DDAH1: variants seen among roughly 807,000 people sequenced by gnomAD.
DDAH1 encodes the protein N(G),N(G)-dimethylarginine dimethylaminohydrolase 1.
Under a neutral mutation model 28.8 loss-of-function variants are expected in DDAH1, and 19 were observed. The observed-to-expected ratio is 0.66, with a 90% CI of 0.46 to 0.97. The LOEUF (loss-of-function observed/expected upper bound fraction) is 0.97. DDAH1 is among the 50% of genes least tolerant of loss of function. The pLI, the probability that DDAH1 is intolerant of heterozygous loss-of-function variation, is 0.00. For synonymous variants in DDAH1, 153 were observed against 154.4 expected (o/e 0.99, Z 0.07); for missense variants, 326 against 375.9 (o/e 0.87, Z 1.10).
intron 1 of DDAH1, among the ~76,000 whole-genome samples, chr1:85,548,506 A>G (rs1479483177): frequency 6.6e-6 from 1 of 152,172 alleles, no homozygotes; most frequent in Non-Finnish European, 1.5e-5. Context: ...ATGTTTATCC[A>G]TAAAATTTTA....
At chr1:85,388,246 T>C (rs1651375713) in intron 1 of DDAH1, among the ~76,000 whole-genome samples, 1 of 152,248 alleles carries the variant, frequency 6.6e-6, no homozygotes. Context: ...GTTGATATGA[T>C]GATTAAATGA....
rs533139120 is a variant in DDAH1 at position 85,558,573 on chromosome 1, T to C, written c.-123+19411A>G. On this transcript the variant is annotated intron_variant, in intron 1 of 6. Coordinates refer to the DDAH1 transcript ENST00000426972. ...AGTTCTAGTTTGTGATGGGTCTCTA[T>C]GTTTTTTGATTTTATTGCCCTCAGG... 2.0e-5 allele frequency among the ~76,000 whole-genome samples: 3 copies of C among 152,332 alleles called. No individual in the cohort carries two copies. The South Asian group carries it at 6.2e-4, about 32-fold the overall frequency.
chr1:85,350,377 C>T, intron 4 of DDAH1, 38 bp downstream of exon 4: 1 of 1,600,428 alleles, frequency 6.2e-7, no homozygotes, highest in Non-Finnish European at 8.5e-7. Flanking sequence ...TGGCAGGCAC[C>T]CCCACTACAT....
chr1:85,377,944 T>C (rs1650771586), intron 1 of DDAH1, among the ~76,000 whole-genome samples: 1 of 152,204 alleles, frequency 6.6e-6, no homozygotes, highest in Non-Finnish European at 1.5e-5. Context: ...AATGTATATA[T>C]AACGTGAGCA....
rs1661312639 is a variant in DDAH1 at position 85,321,065 on chromosome 1, G to GGA, written c.*386_*387insTC. ...TTCACAGGAACCAAACATGATTCAT[G>GGA]AAAAAAAAAAAAAAAAAAAGCAAGC... On this transcript the variant is annotated 3_prime_UTR_variant, in exon 6 of 6. Coordinates refer to ENST00000284031, the MANE Select transcript of DDAH1 (RefSeq NM_012137.4). 1.4e-5 allele frequency: 1 copy of GGA among 73,290 alleles called. No individual in the cohort carries two copies. Among genetic ancestry groups the GGA allele is most frequent in the Non-Finnish European group, 2.6e-5 (1 of 38,530 alleles). The allele number at this position is 73,290 out of a possible 1,614,324, so 4.5% of individuals were successfully genotyped here.
intron 1 of DDAH1, among the ~76,000 whole-genome samples, chr1:85,438,666 C>T (rs145018793): frequency 1.3e-5 from 2 of 152,308 alleles, no homozygotes; most frequent in South Asian, 2.1e-4. Flanking sequence ...TGCAAATTCA[C>T]GAGCAAATTA....
intron 1 of DDAH1, among the ~76,000 whole-genome samples, chr1:85,447,451 G>A (rs910599732): frequency 6.6e-6 from 1 of 152,196 alleles, no homozygotes; most frequent in Non-Finnish European, 1.5e-5. Context: ...AGAATTGAAT[G>A]AAGCAAGTGG....
At chr1:85,422,778 G>C (rs951831122) in intron 1 of DDAH1, among the ~76,000 whole-genome samples, 1 of 152,140 alleles carries the variant, frequency 6.6e-6, no homozygotes, top group East Asian at 1.9e-4. Flanking sequence ...ATGAGGTAAC[G>C]AGGGTGGGGC....
chr1:85,537,984 T>A (rs1448550326), intron 1 of DDAH1, among the ~76,000 whole-genome samples: 1 of 152,102 alleles, frequency 6.6e-6, no homozygotes, highest in Non-Finnish European at 1.5e-5. Flanking sequence ...ACATTAACAG[T>A]CAGGCATTCA....
rs78643631 is a variant in DDAH1 at position 85,484,639 on chromosome 1, A to G, written c.-7+11527T>C. ...TGTAGAGCTTTTGATAGAAAAAGGAATTTCTCCACAGTTCTACAAACAGTG... is the reference window on the plus strand; with the variant it reads ...TGTAGAGCTTTTGATAGAAAAAGGAGTTTCTCCACAGTTCTACAAACAGTG... On this transcript the variant is annotated intron_variant, in intron 2 of 6. Transcript: ENST00000426972. Among the ~76,000 whole-genome samples, 915 of 152,342 alleles carry G rather than the reference A, an allele frequency of 6.0e-3. 14 individuals carry two copies. Among genetic ancestry groups the G allele is most frequent in the Admixed American group, 0.042 (642 of 15,304 alleles).
At chr1:85,322,408 C>T (rs1661386580) in intron 5 of DDAH1, among the ~76,000 whole-genome samples, 1 of 152,178 alleles carries the variant, frequency 6.6e-6, no homozygotes, top group African/African-American at 2.4e-5. Context: ...CTTCAATTAA[C>T]AGTTCATAGA....
At chr1:85,482,855 G>C (rs1656055977) in intron 2 of DDAH1, among the ~76,000 whole-genome samples, 1 of 152,182 alleles carries the variant, frequency 6.6e-6, no homozygotes, top group African/African-American at 2.4e-5. Context: ...AATAGGAAAT[G>C]ATTTAACTAA....
chr1:85,329,111 C>A (rs945072609), intron 4 of DDAH1, among the ~76,000 whole-genome samples: 1 of 152,232 alleles, frequency 6.6e-6, no homozygotes, highest in Non-Finnish European at 1.5e-5. Context: ...GTGACTCATG[C>A]ATGTCCGGAG....
At chr1:85,500,359 A>G (rs545132504) in intron 1 of DDAH1, among the ~76,000 whole-genome samples, 1 of 150,754 alleles carries the variant, frequency 6.6e-6, no homozygotes, top group Non-Finnish European at 1.5e-5. Flanking sequence ...TTCCAGGTTG[A>G]CAGGTTTTAT....
intron 4 of DDAH1, among the ~76,000 whole-genome samples, chr1:85,328,433 T>C (rs1647547520): frequency 1.3e-5 from 2 of 152,220 alleles, no homozygotes; most frequent in South Asian, 4.1e-4. Flanking sequence ...TTAGGATTTG[T>C]GAAACTTCTA....
intron 1 of DDAH1, among the ~76,000 whole-genome samples, chr1:85,410,815 T>C (rs1287794878): frequency 3.3e-5 from 5 of 152,230 alleles, no homozygotes; most frequent in African/African-American, 1.2e-4. Flanking sequence ...GTTTGTATCA[T>C]AAATAATTCT....
chr1:85,416,564 A>G (rs1416172539), intron 1 of DDAH1, among the ~76,000 whole-genome samples: 3 of 152,230 alleles, frequency 2.0e-5, no homozygotes, highest in Non-Finnish European at 4.4e-5. Context: ...ATTCCCAAAG[A>G]TAGTTATTTT....
chr1:85,381,093 C>T (rs1388220659), intron 1 of DDAH1, among the ~76,000 whole-genome samples: 1 of 151,712 alleles, frequency 6.6e-6, no homozygotes, highest in East Asian at 1.9e-4. Flanking sequence ...CAAAAATTAG[C>T]CGGGCGTGGT....
intron 2 of DDAH1, among the ~76,000 whole-genome samples, chr1:85,472,548 C>T (rs1484969766): frequency 6.6e-6 from 1 of 152,196 alleles, no homozygotes; most frequent in African/African-American, 2.4e-5. Flanking sequence ...TTATTACTTT[C>T]TCCTAGCACA....
Sources: allele counts gnomAD v4.1 joint callset (sites outside exome capture counted in the v4.1 genomes callset), GRCh38; gene constraint gnomAD v4.1.1; transcripts MANE v1.5; gene names NCBI Gene and HGNC (gene_info 2026-07-23, HGNC 2026-07-21).